SEMA6D: variants seen among roughly 807,000 people sequenced by gnomAD.
The protein encoded by SEMA6D is semaphorin 6D.
SEMA6D carries 35 observed loss-of-function variants against 106.6 expected under a neutral mutation model. That is an observed-to-expected ratio of 0.33 (90% CI 0.25 to 0.44). The LOEUF (loss-of-function observed/expected upper bound fraction) is 0.44, where lower values mean the gene tolerates loss of function less well. SEMA6D is among the 20% of genes least tolerant of loss of function. SEMA6D has a pLI of 1.00. For missense variants in SEMA6D, 1,185 were observed against 1,345.9 expected, an observed-to-expected ratio of 0.88 and a Z score of 1.87; for synonymous variants, 499 against 487.7, an observed-to-expected ratio of 1.02 and a Z score of -0.31.
At chr15:47,487,710 T>C (rs1240284228) in intron 3 of SEMA6D, among the ~76,000 whole-genome samples, 1 of 152,204 alleles carries the variant, frequency 6.6e-6, no homozygotes, top group Non-Finnish European at 1.5e-5. Flanking sequence ...TTTATAGATA[T>C]TTAGCTTGTC....
chr15:47,287,990 A>C (rs1288470713), intron 1 of SEMA6D, among the ~76,000 whole-genome samples: 1 of 152,118 alleles, frequency 6.6e-6, no homozygotes, highest in Non-Finnish European at 1.5e-5. Context: ...CAGGAGCAAA[A>C]GAGAGAGACA....
Position 47,760,352 on chromosome 15 carries a change from C to G in SEMA6D, c.158C>G (p.Ser53Trp), listed in dbSNP as rs755772605. Reference sequence around the variant, plus strand: ...AGAGGACGCCCTTCAGGCAATGAATCGCAGCACAGGCTGGACTTTCAGCTG... The same window carrying G: ...AGAGGACGCCCTTCAGGCAATGAATGGCAGCACAGGCTGGACTTTCAGCTG... ...VFRGRPSGNE[S>W]QHRLDFQLML... The change falls in exon 3 of 19, where the codon TCG (serine) becomes TGG (tryptophan). Residue 53 changes from serine (S) to tryptophan (W), a missense_variant. This residue lies in a region of SEMA6D where 144 missense variants were observed against 138.6 expected (regional missense o/e 1.04). Coordinates refer to ENST00000536845, the MANE Select transcript of SEMA6D (RefSeq NM_001358351.3). 1 of 1,613,650 alleles carries G rather than the reference C, an allele frequency of 6.2e-7. No individual in the cohort carries two copies. The highest frequency in any genetic ancestry group is 8.5e-7 in the Non-Finnish European group (1 of 1,179,688).
At chr15:47,474,747 A>T (rs559730602) in intron 3 of SEMA6D, among the ~76,000 whole-genome samples, 1 of 152,282 alleles carries the variant, frequency 6.6e-6, no homozygotes, top group African/African-American at 2.4e-5. Context: ...TCCCTTTGTC[A>T]TTTTCCCTGT....
Position 47,341,010 on chromosome 15 carries a change from G to A in SEMA6D, c.-238-71383G>A, listed in dbSNP as rs150516168. 1.9e-3 allele frequency among the ~76,000 whole-genome samples: 289 copies of A among 152,230 alleles called. 1 individual carries two copies. Among genetic ancestry groups the A allele is most frequent in the African/African-American group, 6.9e-3 (285 of 41,536 alleles). On this transcript the variant is annotated intron_variant, in intron 1 of 19. Transcript: ENST00000558014. ...TTGAACCCTTCACACAGAAAAGAAG[G>A]TTCATATATATGAAATTATTTTAGA...
At position 47,411,312 on chromosome 15, in the gene SEMA6D, G is replaced by T. The variant is rs187092615; in HGVS notation, c.-238-1081G>T. Among the ~76,000 whole-genome samples, 1,000 of 151,988 alleles carry T rather than the reference G, an allele frequency of 6.6e-3. 12 individuals carry two copies. Among genetic ancestry groups the T allele is most frequent in the Admixed American group, 0.023 (348 of 15,256 alleles). Reference sequence around the variant, plus strand: ...GGGTTTCGCTGTGTTAGCCAGGATGGTCTCGATCTCCTGACCTCGTGATCC... The same window carrying T: ...GGGTTTCGCTGTGTTAGCCAGGATGTTCTCGATCTCCTGACCTCGTGATCC... On this transcript the variant is annotated intron_variant, in intron 1 of 19. Transcript: ENST00000558014.
At chr15:47,558,958 G>C (rs1487749828) in intron 3 of SEMA6D, among the ~76,000 whole-genome samples, 1 of 151,980 alleles carries the variant, frequency 6.6e-6, no homozygotes, top group African/African-American at 2.4e-5. Context: ...TTGGAGCAGC[G>C]ATGGGTTTGA....
intron 1 of SEMA6D, among the ~76,000 whole-genome samples, chr15:47,197,019 A>G (rs549582712): frequency 2.6e-5 from 4 of 152,178 alleles, no homozygotes; most frequent in Non-Finnish European, 5.9e-5. Flanking sequence ...AAAATCACAT[A>G]TAAATTCAAA....
chr15:47,713,795 A>C (rs2079062994), upstream of SEMA6D, among the ~76,000 whole-genome samples: 1 of 152,240 alleles, frequency 6.6e-6, no homozygotes, highest in South Asian at 2.1e-4. Flanking sequence ...CATAGATAAG[A>C]AAATGAAGGA....
intron 1 of SEMA6D, among the ~76,000 whole-genome samples, chr15:47,756,896 A>AGT (rs2081775213): frequency 7.5e-6 from 1 of 133,688 alleles, no homozygotes. Context: ...TCTGAATGTA[A>AGT]TTTTTTTTTT....
At chr15:47,299,213 C>T (rs929455501) in intron 1 of SEMA6D, among the ~76,000 whole-genome samples, 6 of 152,122 alleles carry the variant, frequency 3.9e-5, no homozygotes, top group African/African-American at 1.4e-4. Context: ...GAGACCAAAC[C>T]GACAAGACAC....
At chr15:47,354,628 T>C (rs1047130200) in intron 1 of SEMA6D, among the ~76,000 whole-genome samples, 1 of 151,666 alleles carries the variant, frequency 6.6e-6, no homozygotes, top group African/African-American at 2.4e-5. Context: ...TACACACATA[T>C]TTCTGAAAGT....
intron 1 of SEMA6D, among the ~76,000 whole-genome samples, chr15:47,299,953 T>C (rs1328193129): frequency 6.6e-6 from 1 of 152,202 alleles, no homozygotes; most frequent in African/African-American, 2.4e-5. Context: ...CTAGCAATTG[T>C]ACAGAGGAGC....
At chr15:47,723,476 C>T (rs749102690) in intron 1 of SEMA6D, among the ~76,000 whole-genome samples, 8 of 152,084 alleles carry the variant, frequency 5.3e-5, no homozygotes, top group South Asian at 2.1e-4. Context: ...TCCCATTTCC[C>T]GGGGGGAATT....
In SEMA6D at chr15:47,450,106, G is replaced by T. The variant is rs555335790; in HGVS notation, c.-158-20368G>T. Among the ~76,000 whole-genome samples the T allele has an allele frequency of 7.9e-5, 12 of 152,234 alleles. No homozygotes were observed. In the East Asian group the frequency reaches 2.3e-3, roughly 30 times the overall value. On this transcript the variant is annotated intron_variant, in intron 2 of 19. Transcript: ENST00000558014. ...ATTGGAAGTGAAGTAAACAGAATGA[G>T]TTCAGAGCCCATTGCACAGGCAAAG...
chr15:47,738,924 A>C (rs2080619266), intron 1 of SEMA6D, among the ~76,000 whole-genome samples: 1 of 152,176 alleles, frequency 6.6e-6, no homozygotes, highest in Non-Finnish European at 1.5e-5. Flanking sequence ...CTCAGGGCTC[A>C]GCTAGGGCTG....
At chr15:47,567,353 G>T (rs1048730718) in intron 3 of SEMA6D, among the ~76,000 whole-genome samples, 1 of 152,150 alleles carries the variant, frequency 6.6e-6, no homozygotes, top group African/African-American at 2.4e-5. Context: ...GGAAAAATAT[G>T]TATGCATATT....
intron 1 of SEMA6D, among the ~76,000 whole-genome samples, chr15:47,344,229 A>G (rs1353119387): frequency 1.1e-4 from 16 of 152,184 alleles, no homozygotes; most frequent in Admixed American, 1.0e-3. Context: ...AAATCTTATC[A>G]CTACTGTGTT....
intron 4 of SEMA6D, among the ~76,000 whole-genome samples, chr15:47,608,269 T>C (rs984108182): frequency 6.6e-6 from 1 of 152,162 alleles, no homozygotes; most frequent in African/African-American, 2.4e-5. Context: ...CTTTACCTCC[T>C]CCTCTGTCAC....
At chr15:47,255,250 T>A (rs2033743758) in intron 1 of SEMA6D, among the ~76,000 whole-genome samples, 1 of 152,136 alleles carries the variant, frequency 6.6e-6, no homozygotes, top group South Asian at 2.1e-4. Flanking sequence ...CATAATAGTC[T>A]CTTGTGATCG....
Sources: allele counts gnomAD v4.1 joint callset (sites outside exome capture counted in the v4.1 genomes callset), GRCh38; gene constraint gnomAD v4.1.1; regional missense constraint gnomAD v4.1.1; transcripts MANE v1.5; gene names NCBI Gene and HGNC (gene_info 2026-07-23, HGNC 2026-07-21).